The following SACS variants were observed in gnomAD, a reference collection of about 807,000 sequenced individuals.
SACS encodes sacsin molecular chaperone, also known as sacsin.
A neutral mutation model predicts 348.0 loss-of-function variants in SACS; 197 were observed. That is an observed-to-expected ratio of 0.57 (90% CI 0.50 to 0.64). The LOEUF (loss-of-function observed/expected upper bound fraction) is 0.64. SACS is among the 30% of genes least tolerant of loss of function. The pLI, the probability that SACS is intolerant of heterozygous loss-of-function variation, is 0.00. For missense variants in SACS, 4,999 were observed against 5,360.8 expected (o/e 0.93, Z 2.11); for synonymous variants, 1,985 against 1,910.6 (o/e 1.04, Z -1.02).
chr13:23,423,024 C>T (rs1277129443), intron 1 of SACS, among the ~76,000 whole-genome samples: 1 of 152,052 alleles, frequency 6.6e-6, no homozygotes, highest in Non-Finnish European at 1.5e-5. Flanking sequence ...TTTGTAGAAC[C>T]TATTTAATGA....
intron 2 of SACS, among the ~76,000 whole-genome samples, chr13:23,396,641 A>G (rs750618109): frequency 9.2e-5 from 14 of 152,336 alleles, no homozygotes; most frequent in South Asian, 6.2e-4. Context: ...ATTACTTCAT[A>G]TATATCAAAC....
intron 1 of SACS, among the ~76,000 whole-genome samples, chr13:23,420,517 T>C (rs991388226): frequency 6.6e-6 from 1 of 152,110 alleles, no homozygotes; most frequent in African/African-American, 2.4e-5. Flanking sequence ...GAATCCAGTG[T>C]GTACCTTGGG....
chr13:23,338,940 G>T lies in SACS; in HGVS notation c.4936C>A (p.Leu1646Met), dbSNP rs200810800. The T allele has an allele frequency of 2.4e-4, 381 of 1,613,650 alleles. No individual in the cohort carries two copies. Among genetic ancestry groups the T allele is most frequent in the Non-Finnish European group, 2.8e-4 (336 of 1,179,914 alleles). The change falls in exon 10 of 10, where the codon CTG (leucine) becomes ATG (methionine). Residue 1646 changes from leucine (L) to methionine (M), a missense_variant. By Grantham distance (15) the Leu-to-Met change is conservative (BLOSUM62 2). Coordinates refer to ENST00000382292, the MANE Select transcript of SACS (RefSeq NM_014363.6). ...PYSYNGTLFR[L>M]SFRTQQEAKV... ...GCTTCCTGTTGAGTTCTAAAGGACA[G>T]TCGGAAAAGGGTTCCATTATAGCTG...
rs767114582 is a variant in SACS at position 23,341,538 on chromosome 13, T to A, written c.2338A>T (p.Lys780Ter). The change falls in exon 10 of 10, where the codon AAG becomes TAG. Residue 780 changes from lysine (K) to a stop codon, truncating the protein, a stop_gained. Coordinates refer to ENST00000382292, the MANE Select transcript of SACS (RefSeq NM_014363.6). LOFTEE classifies it high-confidence loss of function. ...NRNHPSVSWL[K>*]MVWKNLYIHF... is the part of the protein sequence containing the mutation. Reference sequence around the variant, plus strand: ...ATATAAAGATTTTTCCAAACCATCTTAAGCCATGAAACAGATGGGTGATTT... The same window carrying A: ...ATATAAAGATTTTTCCAAACCATCTAAAGCCATGAAACAGATGGGTGATTT... 3 of 1,614,074 alleles carry A rather than the reference T, an allele frequency of 1.9e-6. No homozygotes were observed. The South Asian group carries it at 3.3e-5, about 18-fold the overall frequency.
chr13:23,398,948 G>A (rs1872829230), intron 2 of SACS, among the ~76,000 whole-genome samples: 1 of 145,266 alleles, frequency 6.9e-6, no homozygotes, highest in South Asian at 2.2e-4. Flanking sequence ...TTGAACCTGG[G>A]AGGCAGAGGT....
At chr13:23,433,268 A>T (rs556769781) in intron 1 of SACS, among the ~76,000 whole-genome samples, 2 of 152,276 alleles carry the variant, frequency 1.3e-5, no homozygotes, top group South Asian at 4.1e-4. Context: ...AATTAAAATG[A>T]CAAAGCGGCT....
chr13:23,371,115 A>C lies in SACS; in HGVS notation c.222T>G (p.Leu74=). 6.2e-7 allele frequency: 1 copy of C among 1,612,372 alleles called. No homozygotes were observed. The highest frequency in any genetic ancestry group is 8.5e-7 in the Non-Finnish European group (1 of 1,178,612). ...AGCCTTTTGATTGAAGGTTTACAAAAAGATGACAATTTTTGGAAGTCAGAT... is the reference window on the plus strand; with the variant it reads ...AGCCTTTTGATTGAAGGTTTACAAACAGATGACAATTTTTGGAAGTCAGAT... ...IGDLTSKNCH[L]FVNLQSKGLK... is the part of the protein sequence containing the mutation. The change falls in exon 4 of 10, where the codon CTT becomes CTG. Residue 74 remains leucine (L), a synonymous_variant. Coordinates refer to ENST00000382292, the MANE Select transcript of SACS (RefSeq NM_014363.6).
At chr13:23,426,539 C>A (rs1874184743) in intron 1 of SACS, among the ~76,000 whole-genome samples, 1 of 151,022 alleles carries the variant, frequency 6.6e-6, no homozygotes, top group African/African-American at 2.4e-5. Flanking sequence ...ACTCGGGAGG[C>A]TGAGATGGAA....
intron 1 of SACS, among the ~76,000 whole-genome samples, chr13:23,412,169 G>A (rs761961412): frequency 6.6e-6 from 1 of 152,106 alleles, no homozygotes; most frequent in African/African-American, 2.4e-5. Context: ...TGAGGCAGGA[G>A]AATGGCGTGA....
In SACS at chr13:23,366,502, C is replaced by T. The variant is rs188568783; in HGVS notation, c.346-1225G>A. Among the ~76,000 whole-genome samples, 258 of 152,256 alleles carry T rather than the reference C, an allele frequency of 1.7e-3. 1 individual carries two copies. The highest frequency in any genetic ancestry group is 6.0e-3 in the African/African-American group (251 of 41,528). ...ATCCCAGAGAATCCCTAAAAATTAA[C>T]AATCTTATTTACATTAGGATATTAT... On this transcript the variant is annotated intron_variant, in intron 5 of 9. Coordinates refer to ENST00000382292, the MANE Select transcript of SACS (RefSeq NM_014363.6).
chr13:23,349,370 C>T (rs941348154), intron 9 of SACS, among the ~76,000 whole-genome samples: 1 of 152,118 alleles, frequency 6.6e-6, no homozygotes, highest in African/African-American at 2.4e-5. Context: ...AAATGAGAAA[C>T]AGATTTGGGG....
At chr13:23,382,290 A>G (rs1872089486) in intron 2 of SACS, among the ~76,000 whole-genome samples, 1 of 152,128 alleles carries the variant, frequency 6.6e-6, no homozygotes, top group Non-Finnish European at 1.5e-5. Flanking sequence ...GGTAGCTGGG[A>G]TTACAGGCAC....
At position 23,403,316 on chromosome 13, in the gene SACS, G is replaced by A. The variant is rs145387667; in HGVS notation, c.20+7904C>T. On this transcript the variant is annotated intron_variant, in intron 2 of 9. Transcript: ENST00000382292. ...AGGAGTCCCTCTTTTTCTGTTGTTC[G>A]GAATAGTTTCAGAAGCAATGGTACC... Among the ~76,000 whole-genome samples the A allele has an allele frequency of 7.5e-4, 114 of 152,232 alleles. 4 individuals carry two copies. The East Asian group carries it at 0.018, about 25-fold the overall frequency.
Position 23,333,643 on chromosome 13 carries a change from C to A in SACS, c.10233G>T (p.Pro3411=), listed in dbSNP as rs750961199. The change falls in exon 10 of 10, where the codon CCG becomes CCT. Residue 3411 remains proline (P), a synonymous_variant. Transcript: ENST00000382292. The part of the protein sequence containing the change: ...QDDIKILKSL[P]CYKSISGRYV... ...AGCGGCCACTGATGGATTTATAGCA[C>A]GGAAGTGACTTTAGAATTTTTATAT... 4.3e-6 allele frequency: 7 copies of A among 1,613,618 alleles called. No homozygotes were observed. Among genetic ancestry groups the A allele is most frequent in the Middle Eastern group, 3.3e-4 (2 of 6,082 alleles).
At position 23,335,859 on chromosome 13, in the gene SACS, C is replaced by G; in HGVS notation, c.8017G>C (p.Asp2673His). The G allele has an allele frequency of 6.2e-7, 1 of 1,613,948 alleles. No individual in the cohort carries two copies. Among genetic ancestry groups the G allele is most frequent in the Admixed American group, 1.7e-5 (1 of 59,990 alleles). ...PGRMFRDLDA[D>H]FRTQFSDVLD... is the part of the protein sequence containing the mutation. ...ACATCTGAGAACTGTGTCCTAAAATCTGCATCCAAATCTCTAAACATGCGT... is the reference window on the plus strand; with the variant it reads ...ACATCTGAGAACTGTGTCCTAAAATGTGCATCCAAATCTCTAAACATGCGT... Residue 2673 changes from aspartate (D) to histidine (H), a missense_variant, in exon 10 of 10, where the codon GAT becomes CAT. This residue lies in a region of SACS where 3,156 missense variants were observed against 3,380.1 expected (regional missense o/e 0.93). Transcript: ENST00000382292. The surrounding 1 kb of genome is among the most constrained non-coding windows in gnomAD (Gnocchi z 4.7).
chr13:23,410,990 A>G (rs998411528), intron 2 of SACS, among the ~76,000 whole-genome samples: 4 of 152,246 alleles, frequency 2.6e-5, no homozygotes, highest in African/African-American at 7.2e-5. Context: ...TAGCCTCACC[A>G]GTATAAACAA....
intron 2 of SACS, among the ~76,000 whole-genome samples, chr13:23,386,726 G>T (rs1872304695): frequency 6.6e-6 from 1 of 152,138 alleles, no homozygotes. Context: ...TCCTCACTAA[G>T]CTTAGTCATT....
chr13:23,395,638 AG>A (rs968847336), intron 2 of SACS, among the ~76,000 whole-genome samples: 12 of 152,140 alleles, frequency 7.9e-5, no homozygotes, highest in African/African-American at 2.9e-4. Flanking sequence ...GAGCTCTCAA[AG>A]GACCCCCAAA....
At position 23,407,305 on chromosome 13, in the gene SACS, T is replaced by C. The variant is rs375549070; in HGVS notation, c.20+3915A>G. 1.1e-3 allele frequency among the ~76,000 whole-genome samples: 173 copies of C among 152,286 alleles called. 2 individuals are homozygous for C. Among genetic ancestry groups the C allele is most frequent in the African/African-American group, 4.0e-3 (168 of 41,568 alleles). On this transcript the variant is annotated intron_variant, in intron 2 of 9. Coordinates refer to ENST00000382292, the MANE Select transcript of SACS (RefSeq NM_014363.6). Reference sequence around the variant, plus strand: ...GCTCCACCTCCCAGGTTCACACCATTCTCCTGCCTCAGCCTCCCAAGTAGC... The same window carrying C: ...GCTCCACCTCCCAGGTTCACACCATCCTCCTGCCTCAGCCTCCCAAGTAGC...
Sources: allele counts gnomAD v4.1 joint callset (sites outside exome capture counted in the v4.1 genomes callset), GRCh38; gene constraint gnomAD v4.1.1; regional missense constraint gnomAD v4.1.1; non-coding constraint Gnocchi (gnomAD v3.1); transcripts MANE v1.5; gene names NCBI Gene and HGNC (gene_info 2026-07-23, HGNC 2026-07-21).